The following COL6A6 variants were observed in gnomAD, a reference collection of about 807,000 sequenced individuals.
COL6A6 encodes collagen alpha-6(VI) chain.
In COL6A6, 183 loss-of-function variants were observed where a neutral mutation model predicts 208.6. The ratio of observed to expected loss-of-function variants is 0.88; its 90% confidence interval spans 0.78 to 0.99. The LOEUF (loss-of-function observed/expected upper bound fraction) is 0.99, where lower values mean the gene tolerates loss of function less well. COL6A6 is among the 50% of genes least tolerant of loss of function. COL6A6 has a pLI of 0.00. For synonymous variants in COL6A6, 973 were observed against 1,011.8 expected (o/e 0.96, Z 0.73); for missense variants, 2,816 against 2,815.2 (o/e 1.00, Z -0.01).
chr3:130,607,461 A>T (rs1276949494), intron 21 of COL6A6, among the ~76,000 whole-genome samples: 1 of 152,226 alleles, frequency 6.6e-6, no homozygotes, highest in Non-Finnish European at 1.5e-5. Context: ...TATAATATTT[A>T]TGAAAGAGTG....
intron 11 of COL6A6, among the ~76,000 whole-genome samples, chr3:130,586,996 G>A (rs556925944): frequency 2.6e-5 from 4 of 152,312 alleles, no homozygotes; most frequent in South Asian, 2.1e-4. Flanking sequence ...TGAATCGGCC[G>A]TTAACCTCCA....
At chr3:130,568,714 T>A in intron 6 of COL6A6, 110 bp downstream of exon 6, 1 of 1,088,416 alleles carries the variant, frequency 9.2e-7, no homozygotes, top group Non-Finnish European at 1.3e-6. Context: ...TTGGTTTAAT[T>A]GAAATGTTTC....
rs567756963 is a variant in COL6A6, at chr3:130,623,212, C to T, written c.4878+1329C>T. Among the ~76,000 whole-genome samples the T allele has an allele frequency of 5.3e-5, 8 of 152,302 alleles. No individual in the cohort carries two copies. The South Asian group carries it at 1.7e-3, about 32-fold the overall frequency. On this transcript the variant is annotated intron_variant, in intron 24 of 36. Coordinates refer to ENST00000358511, the MANE Select transcript of COL6A6 (RefSeq NM_001102608.3). ...GTGGCTCACCCCTGTAATCCCAGCA[C>T]TTTGGGAAGCCGAGCCAGGTGGATC...
chr3:130,650,023 C>A (rs2065587525), intron 33 of COL6A6, among the ~76,000 whole-genome samples: 1 of 152,208 alleles, frequency 6.6e-6, no homozygotes, highest in South Asian at 2.1e-4. Flanking sequence ...AGCCAATTTG[C>A]TGATTTTATA....
intron 32 of COL6A6, chr3:130,646,439 T>G (rs1553717089): frequency 6.6e-6 from 1 of 152,520 alleles, no homozygotes; most frequent in Non-Finnish European, 1.5e-5. Flanking sequence ...CTGGGCGTGG[T>G]GGCACATGCC....
In COL6A6 at chr3:130,610,630, T is replaced by G; in HGVS notation, c.4753-19T>G. The G allele has an allele frequency of 6.4e-7, 1 of 1,558,626 alleles. No individual in the cohort carries two copies. The highest frequency in any genetic ancestry group is 8.7e-7 in the Non-Finnish European group (1 of 1,147,744). On this transcript the variant is annotated intron_variant, in intron 22 of 36. Transcript: ENST00000358511. Reference sequence around the variant, plus strand: ...TTCTCTTTTAGGCAAAAAATAATGCTTTAATTCTATGTACTTAGGGCCCAA... The same window carrying G: ...TTCTCTTTTAGGCAAAAAATAATGCGTTAATTCTATGTACTTAGGGCCCAA...
intron 1 of COL6A6, among the ~76,000 whole-genome samples, chr3:130,530,163 C>T (rs1023479554): frequency 1.3e-5 from 2 of 152,198 alleles, no homozygotes; most frequent in African/African-American, 2.4e-5. Flanking sequence ...TGCCTGGCTT[C>T]GAAACCCTGG....
At chr3:130,580,489 A>G (rs1316334860) in intron 8 of COL6A6, among the ~76,000 whole-genome samples, 5 of 152,220 alleles carry the variant, frequency 3.3e-5, no homozygotes, top group African/African-American at 1.2e-4. Context: ...TTTGGTTTTA[A>G]GCATTTGCAA....
chr3:130,565,343 G>C lies in COL6A6; in HGVS notation c.1011G>C (p.Val337=). ...RKNQGVPQIA[V]LVTHRDSEDN... is the part of the protein sequence containing the mutation. Reference sequence around the variant, plus strand: ...ATCAGGGGGTGCCCCAGATTGCCGTGCTGGTGACCCACCGAGATTCAGAAG... The same window carrying C: ...ATCAGGGGGTGCCCCAGATTGCCGTCCTGGTGACCCACCGAGATTCAGAAG... The change falls in exon 4 of 37, where the codon GTG becomes GTC. Residue 337 remains valine (V), a synonymous_variant. Transcript: ENST00000358511. The C allele has an allele frequency of 1.9e-6, 3 of 1,608,724 alleles. No homozygotes were observed. The East Asian group carries it at 6.7e-5, about 36-fold the overall frequency.
intron 29 of COL6A6, 84 bp downstream of exon 29, chr3:130,641,798 T>C (rs2065319129): frequency 2.8e-6 from 2 of 705,874 alleles, no homozygotes; most frequent in Non-Finnish European, 4.7e-6. Flanking sequence ...ATTGTCCAAA[T>C]GTGCATGCCT....
chr3:130,520,174 C>T (rs1166337391), intron 1 of COL6A6, among the ~76,000 whole-genome samples: 1 of 152,156 alleles, frequency 6.6e-6, no homozygotes, highest in African/African-American at 2.4e-5. Context: ...AAAGTGCACT[C>T]AGTGTTTTAA....
At chr3:130,578,170 C>G (rs1442168905) in intron 8 of COL6A6, among the ~76,000 whole-genome samples, 1 of 152,080 alleles carries the variant, frequency 6.6e-6, no homozygotes, top group East Asian at 1.9e-4. Context: ...AGGAGCATCT[C>G]TCATCTGATG....
chr3:130,541,395 G>A (rs2062360629), intron 1 of COL6A6, among the ~76,000 whole-genome samples: 1 of 152,184 alleles, frequency 6.6e-6, no homozygotes, highest in Non-Finnish European at 1.5e-5. Flanking sequence ...TTACCTGCTG[G>A]ACATCTTGGT....
intron 18 of COL6A6, among the ~76,000 whole-genome samples, chr3:130,597,964 A>G: frequency 6.6e-6 from 1 of 152,222 alleles, no homozygotes; most frequent in African/African-American, 2.4e-5. Flanking sequence ...ATGGTAGAAT[A>G]AAATCTACCA....
chr3:130,670,274 T>C (rs2066179202), intron 36 of COL6A6, among the ~76,000 whole-genome samples: 1 of 152,166 alleles, frequency 6.6e-6, no homozygotes, highest in Non-Finnish European at 1.5e-5. Flanking sequence ...GACAGTATCT[T>C]TGGCATGGAG....
intron 1 of COL6A6, among the ~76,000 whole-genome samples, chr3:130,532,558 A>G (rs959209532): frequency 2.0e-5 from 3 of 152,086 alleles, no homozygotes; most frequent in Non-Finnish European, 4.4e-5. Flanking sequence ...GCAGTGACTC[A>G]CTAAGTTTCC....
chr3:130,569,514 G>T (rs1489530722), intron 6 of COL6A6, among the ~76,000 whole-genome samples: 1 of 152,298 alleles, frequency 6.6e-6, no homozygotes, highest in African/African-American at 2.4e-5. Flanking sequence ...AGATCTGCAT[G>T]GAGTTTAAAG....
intron 20 of COL6A6, among the ~76,000 whole-genome samples, chr3:130,602,883 A>C (rs959386858): frequency 1.3e-5 from 2 of 152,140 alleles, no homozygotes; most frequent in Non-Finnish European, 2.9e-5. Context: ...ATATTTTTTA[A>C]ATCAGCATGC....
chr3:130,648,053 G>T (rs1233236765), intron 32 of COL6A6, among the ~76,000 whole-genome samples: 2 of 152,138 alleles, frequency 1.3e-5, no homozygotes, highest in Admixed American at 1.3e-4. Flanking sequence ...TAGGATAAAT[G>T]AACATTAATC....
Sources: gnomAD v4.1 joint callset for allele counts (sites outside exome capture counted in the v4.1 genomes callset) on GRCh38, gnomAD v4.1.1 for gene constraint, MANE v1.5 for transcripts, NCBI Gene and HGNC (gene_info 2026-07-23, HGNC 2026-07-21) for gene names.